Variants in TRIP12 observed in about 807,000 individuals in gnomAD.
The protein encoded by TRIP12 is thyroid hormone receptor interactor 12.
In TRIP12, 25 loss-of-function variants were observed where a neutral mutation model predicts 244.2. The observed-to-expected ratio is 0.10, with a 90% CI of 0.07 to 0.14. TRIP12 has a LOEUF of 0.14. TRIP12 is among the 10% of genes least tolerant of loss of function. The probability of loss-of-function intolerance (pLI) is 1.00; values close to 1 mark genes in which losing one functional copy is unlikely to be tolerated. For synonymous variants in TRIP12, 905 were observed against 873.1 expected (o/e 1.04, Z -0.64); for missense variants, 1,677 against 2,486.4 (o/e 0.67, Z 6.92).
At chr2:229,811,293 G>T in intron 13 of TRIP12, 89 bp from the exon 14 acceptor site, 1 of 1,327,802 alleles carries the variant, frequency 7.5e-7, no homozygotes, top group Non-Finnish European at 1.0e-6. Flanking sequence ...CCTAACCCCA[G>T]ATTCTTCAAG....
chr2:229,783,657 G>A (rs2039032068), intron 34 of TRIP12, among the ~76,000 whole-genome samples: 1 of 152,126 alleles, frequency 6.6e-6, no homozygotes, highest in Non-Finnish European at 1.5e-5. Flanking sequence ...TCATGGATCA[G>A]AAGACACAAT....
intron 36 of TRIP12, 88 bp from the exon 37 acceptor site, chr2:229,777,567 T>C (rs1246598416): frequency 9.1e-6 from 12 of 1,314,942 alleles, no homozygotes; most frequent in Admixed American, 1.9e-5. Context: ...ATCATTTAAA[T>C]ATTAATAGGT....
chr2:229,818,286 T>C (rs560547208), intron 9 of TRIP12, 78 bp downstream of exon 9: 1 of 1,420,024 alleles, frequency 7.0e-7, no homozygotes, highest in African/African-American at 1.4e-5. Context: ...ATAATGACAA[T>C]AATCATACAT....
At chr2:229,895,172 T>C (rs182735708) in intron 1 of TRIP12, among the ~76,000 whole-genome samples, 27 of 152,296 alleles carry the variant, frequency 1.8e-4, no homozygotes, top group Admixed American at 7.2e-4. Context: ...TATTAAATGT[T>C]ACATAGATTT....
chr2:229,855,081 T>A (rs546425443), intron 4 of TRIP12, among the ~76,000 whole-genome samples: 1 of 152,242 alleles, frequency 6.6e-6, no homozygotes, highest in Non-Finnish European at 1.5e-5. Context: ...CTGGCCAACA[T>A]GGTGAAACCC....
intron 2 of TRIP12, among the ~76,000 whole-genome samples, chr2:229,878,978 C>T (rs950047557): frequency 6.6e-6 from 1 of 151,964 alleles, no homozygotes; most frequent in African/African-American, 2.4e-5. Context: ...AGCAGCTGAG[C>T]GCAGTGACTC....
intron 4 of TRIP12, among the ~76,000 whole-genome samples, chr2:229,845,244 G>A (rs1206843629): frequency 6.6e-6 from 1 of 152,194 alleles, no homozygotes; most frequent in Non-Finnish European, 1.5e-5. Context: ...CATGTGAACT[G>A]ATTTGTATTT....
chr2:229,798,859 A>ATT lies in TRIP12; in HGVS notation c.3482+15_3482+16insAA. ...GATATGGGAATAGAAGAAACATAAAACTCCCCCCACTTCACCTATTATTGG... is the reference window on the plus strand; with the variant it reads ...GATATGGGAATAGAAGAAACATAAAATTCTCCCCCCACTTCACCTATTATTGG... On this transcript the variant is annotated intron_variant, in intron 23 of 41. Coordinates refer to ENST00000675903, the MANE Select transcript of TRIP12 (RefSeq NM_001348323.3). The ATT allele has an allele frequency of 1.2e-6, 2 of 1,609,636 alleles. No individual in the cohort carries two copies. Among genetic ancestry groups the ATT allele is most frequent in the Non-Finnish European group, 1.7e-6 (2 of 1,178,686 alleles).
Position 229,766,611 on chromosome 2 carries a change from T to C in TRIP12, c.*943A>G, listed in dbSNP as rs2031829778. 1 of 152,002 alleles carries C rather than the reference T, an allele frequency of 6.6e-6. No individual in the cohort carries two copies. The highest frequency in any genetic ancestry group is 1.5e-5 in the Non-Finnish European group (1 of 68,000). 9.4% of individuals were successfully genotyped at this position (152,002 alleles called of 1,614,324 possible). Reference sequence around the variant, plus strand: ...ACGTAAAACAACAAAGGGAAAAAAATTTTTTTACTCCAACAGGGAAGGAAA... The same window carrying C: ...ACGTAAAACAACAAAGGGAAAAAAACTTTTTTACTCCAACAGGGAAGGAAA... On this transcript the variant is annotated 3_prime_UTR_variant, in exon 42 of 42. Transcript: ENST00000675903.
chr2:229,829,839 C>T lies in TRIP12; in HGVS notation c.1355-551G>A, dbSNP rs1287618756. ...TGGCAGGCACCTGTAATTCTAGCTA[C>T]TCAGGAGGATGAAGCAGGAGAATCA... On this transcript the variant is annotated intron_variant, in intron 7 of 41. Transcript: ENST00000675903. Among the ~76,000 whole-genome samples, 3 of 152,114 alleles carry T rather than the reference C, an allele frequency of 2.0e-5. No individual in the cohort carries two copies. In the East Asian group the frequency reaches 5.8e-4, roughly 29 times the overall value.
chr2:229,902,262 A>G (rs1320154402), intron 1 of TRIP12, among the ~76,000 whole-genome samples: 1 of 152,048 alleles, frequency 6.6e-6, no homozygotes, highest in African/African-American at 2.4e-5. Flanking sequence ...TCGTGCCTAC[A>G]GTCCCAGCTA....
intron 1 of TRIP12, chr2:229,894,196 A>T (rs1197762530): frequency 6.6e-6 from 1 of 152,106 alleles, no homozygotes; most frequent in Non-Finnish European, 1.5e-5. Flanking sequence ...GTGTAGTAGT[A>T]TCTTATTATT....
chr2:229,901,236 A>T (rs1329172546), intron 1 of TRIP12, among the ~76,000 whole-genome samples: 1 of 152,026 alleles, frequency 6.6e-6, no homozygotes, highest in East Asian at 2.0e-4. Flanking sequence ...ACCCGGCTCA[A>T]TAAAGCTGTT....
chr2:229,898,353 GAAGT>G (rs1362084662), intron 1 of TRIP12, among the ~76,000 whole-genome samples: 1 of 152,154 alleles, frequency 6.6e-6, no homozygotes, highest in Non-Finnish European at 1.5e-5. Flanking sequence ...CACAGCGCAC[GAAGT>G]AACAACAATG....
rs2044626636 is a variant in TRIP12, at chr2:229,802,441, T to A, written c.3017A>T (p.Lys1006Ile). Residue 1006 changes from lysine (K) to isoleucine (I), a missense_variant, in exon 21 of 42, where the codon AAA (lysine) becomes ATA (isoleucine). By Grantham distance (102) the Lys-to-Ile change is moderately radical. Around this residue, in one of 11 missense-constraint regions of TRIP12, gnomAD observed 572 missense variants for 867.8 expected, o/e 0.66. Coordinates refer to ENST00000675903, the MANE Select transcript of TRIP12 (RefSeq NM_001348323.3). ...FRREGVMHQVKHLAESESLLT... is the reference protein window; with the variant it reads ...FRREGVMHQVIHLAESESLLT... ...CAAAGACTCTGATTCTGCTAAGTGT[T>A]TTACTTGATGCATTACACCTTTATA... 1.2e-6 allele frequency: 2 copies of A among 1,613,400 alleles called. No individual in the cohort carries two copies.
chr2:229,860,384 T>C (rs1255864835), intron 3 of TRIP12, 22 bp downstream of exon 3: 1 of 1,592,084 alleles, frequency 6.3e-7, no homozygotes, highest in African/African-American at 1.3e-5. Flanking sequence ...CTTGAAAATG[T>C]ATAAGCAACA....
intron 1 of TRIP12, among the ~76,000 whole-genome samples, chr2:229,887,228 T>C (rs1416479076): frequency 3.9e-5 from 6 of 152,208 alleles, no homozygotes; most frequent in African/African-American, 4.8e-5. Flanking sequence ...ATATGCTAAA[T>C]TGATTTGAGA....
chr2:229,868,214 CATTT>C (rs972880258), intron 2 of TRIP12, among the ~76,000 whole-genome samples: 5 of 152,100 alleles, frequency 3.3e-5, no homozygotes, highest in African/African-American at 9.7e-5. Context: ...TTCATTCATT[CATTT>C]ATTTTTTGAG....
At chr2:229,773,980 G>A in intron 38 of TRIP12, 117 bp downstream of exon 38, 2 of 1,027,978 alleles carry the variant, frequency 1.9e-6, no homozygotes, top group South Asian at 3.3e-5. Flanking sequence ...TTCATGCAGT[G>A]GTCCTGGGGA....
Sources: gnomAD v4.1 joint callset for allele counts (sites outside exome capture counted in the v4.1 genomes callset) on GRCh38, gnomAD v4.1.1 for gene constraint, gnomAD v4.1.1 regional missense constraint, MANE v1.5 for transcripts, NCBI Gene and HGNC (gene_info 2026-07-23, HGNC 2026-07-21) for gene names.